Variants in ANKRD13B observed in about 807,000 individuals in gnomAD.
The protein encoded by ANKRD13B is ankyrin repeat domain-containing protein 13B.
A neutral mutation model predicts 74.4 loss-of-function variants in ANKRD13B; 33 were observed. The ratio of observed to expected loss-of-function variants is 0.44; its 90% CI spans 0.34 to 0.59. ANKRD13B has a LOEUF of 0.59. Ranked by LOEUF, ANKRD13B falls within the 20% of genes least tolerant of loss-of-function variation. The pLI, the probability that ANKRD13B is intolerant of heterozygous loss-of-function variation, is 0.02. For synonymous variants in ANKRD13B, 341 were observed against 362.9 expected (o/e 0.94, Z 0.68); for missense variants, 676 against 877.9 (o/e 0.77, Z 2.91).
chr17:29,600,465 T>A (rs920204429), intron 1 of ANKRD13B, among the ~76,000 whole-genome samples: 1 of 151,522 alleles, frequency 6.6e-6, no homozygotes, highest in African/African-American at 2.4e-5. Context: ...GGGGCTGGGG[T>A]TTCACGGATC....
Position 29,608,345 on chromosome 17 carries a change from A to G in ANKRD13B, c.421+105A>G, listed in dbSNP as rs1567792207. 8 of 1,478,706 alleles carry G rather than the reference A, an allele frequency of 5.4e-6. No individual in the cohort carries two copies. The highest frequency in any genetic ancestry group is 7.4e-6 in the Non-Finnish European group (8 of 1,082,794). 91.6% of individuals were successfully genotyped at this position (1,478,706 alleles called of 1,614,324 possible). On this transcript the variant is annotated intron_variant, in intron 4 of 14. Coordinates refer to ENST00000394859, the MANE Select transcript of ANKRD13B (RefSeq NM_152345.5). The surrounding 1 kb of genome is among the most constrained non-coding windows in gnomAD (Gnocchi z 6.4). ...CATAGTTCTTCCGGCGGTTCCCTCT[A>G]TGCCTTAGCTCAGCTCAGGGCCACC... is the stretch of plus-strand genomic sequence containing the variant.
rs2034634921 is a variant in ANKRD13B, at chr17:29,612,681, G to GCGTTGTT, written c.1444_1450dup (p.Glu484ValfsTer37). ...CTGCCGCGGCTGCGAGATCTCCCCA[G>GCGTTGTT]CGTTGTTCGAGGCCCCGCGCGGCTA... On this transcript the variant is annotated frameshift_variant, in exon 13 of 15. Transcript: ENST00000394859. LOFTEE classifies it high-confidence loss of function. This position sits in a 1 kb window ranked among gnomAD's most constrained non-coding sequence, Gnocchi z 6.1. 6.3e-7 allele frequency: 1 copy of GCGTTGTT among 1,587,254 alleles called. No homozygotes were observed. Among genetic ancestry groups the GCGTTGTT allele is most frequent in the Non-Finnish European group, 8.5e-7 (1 of 1,172,886 alleles).
Position 29,608,332 on chromosome 17 carries a change from G to C in ANKRD13B, c.421+92G>C. On this transcript the variant is annotated intron_variant, in intron 4 of 14. Coordinates refer to ENST00000394859, the MANE Select transcript of ANKRD13B (RefSeq NM_152345.5). The surrounding 1 kb of genome is among the most constrained non-coding windows in gnomAD (Gnocchi z 6.4). ...TGGAATGTGTTCTCATAGTTCTTCC[G>C]GCGGTTCCCTCTATGCCTTAGCTCA... 2 of 1,546,592 alleles carry C rather than the reference G, an allele frequency of 1.3e-6. No homozygotes were observed. Among genetic ancestry groups the C allele is most frequent in the East Asian group, 2.3e-5 (1 of 43,478 alleles).
chr17:29,606,103 G>A (rs995819559), intron 1 of ANKRD13B, among the ~76,000 whole-genome samples: 1 of 151,130 alleles, frequency 6.6e-6, no homozygotes, highest in African/African-American at 2.4e-5. Flanking sequence ...GTAGAGATGG[G>A]GTTTCTCCAT....
chr17:29,605,564 C>A (rs1404058309), intron 1 of ANKRD13B, among the ~76,000 whole-genome samples: 1 of 152,080 alleles, frequency 6.6e-6, no homozygotes, highest in Non-Finnish European at 1.5e-5. Flanking sequence ...ACCTCCCAGG[C>A]TTAAGCGATC....
At position 29,607,698 on chromosome 17, in the gene ANKRD13B, C is replaced by T. The variant is rs750422688; in HGVS notation, c.115-44C>T. On this transcript the variant is annotated intron_variant, in intron 1 of 14. Transcript: ENST00000394859. ...CTGTCTGGCTCCGGAGGGCTGCCTCCGACGTGACTGGGGCTTTATCTTCCA... is the reference window on the plus strand; with the variant it reads ...CTGTCTGGCTCCGGAGGGCTGCCTCTGACGTGACTGGGGCTTTATCTTCCA... The T allele has an allele frequency of 4.5e-6, 7 of 1,567,730 alleles. No individual in the cohort carries two copies. The South Asian group carries it at 5.7e-5, about 13-fold the overall frequency.
chr17:29,607,329 T>C (rs532572394), intron 1 of ANKRD13B, among the ~76,000 whole-genome samples: 34 of 152,236 alleles, frequency 2.2e-4, no homozygotes, highest in African/African-American at 8.0e-4. Flanking sequence ...GAAGGTGGCC[T>C]GGGACCCTTA....
rs1319253882 is a variant in ANKRD13B, at chr17:29,609,063, C to T, written c.566-23C>T. On this transcript the variant is annotated intron_variant, in intron 5 of 14. Coordinates refer to ENST00000394859, the MANE Select transcript of ANKRD13B (RefSeq NM_152345.5). This position sits in a 1 kb window ranked among gnomAD's most constrained non-coding sequence, Gnocchi z 4.0. ...CAGCCCCAGGCCACCCCTGATCCCC[C>T]TGTGCTGTTCCGTGTCTGGCAGACA... 6.2e-7 allele frequency: 1 copy of T among 1,611,502 alleles called. No homozygotes were observed. Among genetic ancestry groups the T allele is most frequent in the African/African-American group, 1.3e-5 (1 of 74,930 alleles).
chr17:29,604,034 C>T (rs574243242), intron 1 of ANKRD13B, among the ~76,000 whole-genome samples: 1 of 151,656 alleles, frequency 6.6e-6, no homozygotes, highest in Admixed American at 6.6e-5. Context: ...CGTGAGCCAC[C>T]GCACCCTGCC....
intron 1 of ANKRD13B, among the ~76,000 whole-genome samples, chr17:29,600,661 A>C (rs2034137969): frequency 6.6e-6 from 1 of 151,932 alleles, no homozygotes; most frequent in Non-Finnish European, 1.5e-5. Context: ...GCCTCCCTGC[A>C]CTCAGCTCTA....
chr17:29,607,459 G>T (rs988784297), intron 1 of ANKRD13B, among the ~76,000 whole-genome samples: 1 of 152,218 alleles, frequency 6.6e-6, no homozygotes, highest in Non-Finnish European at 1.5e-5. Context: ...CCCAGCCAGG[G>T]GCCCTTGGTG....
At chr17:29,594,946 G>T (rs1242549739) in intron 1 of ANKRD13B, among the ~76,000 whole-genome samples, 1 of 152,240 alleles carries the variant, frequency 6.6e-6, no homozygotes, top group Admixed American at 6.5e-5. Flanking sequence ...CAGCCCCCAG[G>T]CCTGCATGGC....
chr17:29,606,325 A>G (rs551283646), intron 1 of ANKRD13B, among the ~76,000 whole-genome samples: 2 of 151,816 alleles, frequency 1.3e-5, no homozygotes, highest in South Asian at 2.1e-4. Context: ...TTGGGAGGCC[A>G]AGGCAGGCGA....
At chr17:29,602,792 C>T (rs2034229415) in intron 1 of ANKRD13B, among the ~76,000 whole-genome samples, 1 of 152,158 alleles carries the variant, frequency 6.6e-6, no homozygotes, top group Non-Finnish European at 1.5e-5. Flanking sequence ...CATTCTTCAA[C>T]CCACCATAGT....
rs74772596 is a variant in ANKRD13B at position 29,598,190 on chromosome 17, G to A, written c.114+4455G>A. 5.0e-4 allele frequency among the ~76,000 whole-genome samples: 76 copies of A among 152,314 alleles called. No homozygotes were observed. The South Asian group carries it at 0.015, about 30-fold the overall frequency. The stretch of plus-strand genomic sequence containing the variant: ...CTTCTCTGTGAGGGGCCACAGCTCA[G>A]AGGCCAACAGGGGCCAGGCCCGCTG... On this transcript the variant is annotated intron_variant, in intron 1 of 14. Coordinates refer to ENST00000394859, the MANE Select transcript of ANKRD13B (RefSeq NM_152345.5).
chr17:29,606,886 T>C (rs2034406917), intron 1 of ANKRD13B, among the ~76,000 whole-genome samples: 1 of 151,248 alleles, frequency 6.6e-6, no homozygotes, highest in Non-Finnish European at 1.5e-5. Flanking sequence ...CCATCTCTAC[T>C]AAAAATACAA....
Position 29,593,644 on chromosome 17 carries a change from C to A in ANKRD13B, c.23C>A (p.Ala8Asp). Residue 8 changes from alanine to aspartate, a missense_variant, in exon 1 of 15, where the codon GCC becomes GAC. Physicochemically the swap from Ala to Asp is moderately radical, Grantham distance 126. Around this residue, in one of 4 missense-constraint regions of ANKRD13B, gnomAD observed 88 missense variants for 87.8 expected, o/e 1.00. Transcript: ENST00000394859. ...GCGATGATCCCCGCCAACGCCTCCG[C>A]CAGGAAGGGGCCCGAGGGCAAGTAT... The part of the protein sequence containing the change: MIPANAS[A>D]RKGPEGKYPL... The A allele has an allele frequency of 7.1e-7, 1 of 1,402,398 alleles. No individual in the cohort carries two copies. Among genetic ancestry groups the A allele is most frequent in the Non-Finnish European group, 9.4e-7 (1 of 1,064,728 alleles). 86.9% of individuals were successfully genotyped at this position (1,402,398 alleles called of 1,614,324 possible).
chr17:29,608,937 G>C lies in ANKRD13B; in HGVS notation c.508G>C (p.Gly170Arg), dbSNP rs761010732. The change falls in exon 5 of 15, where the codon GGC becomes CGC. Residue 170 changes from glycine (G) to arginine (R), a missense_variant. Gly to Arg is a moderately radical substitution (Grantham distance 125). This residue lies in a region of ANKRD13B where 328 missense variants were observed against 518.4 expected (regional missense o/e 0.63). Transcript: ENST00000394859. The surrounding 1 kb of genome is among the most constrained non-coding windows in gnomAD (Gnocchi z 6.4). ...QNLRVDTTLLGFDHMTWQRGN... is the reference protein window; with the variant it reads ...QNLRVDTTLLRFDHMTWQRGN... ...CCTGAGGGTAGACACCACACTCCTG[G>C]GCTTTGACCACATGACCTGGCAGCG... 1 of 1,614,162 alleles carries C rather than the reference G, an allele frequency of 6.2e-7. No homozygotes were observed. The highest frequency in any genetic ancestry group is 8.5e-7 in the Non-Finnish European group (1 of 1,180,030).
intron 1 of ANKRD13B, among the ~76,000 whole-genome samples, chr17:29,601,681 A>G (rs1004308919): frequency 1.3e-5 from 2 of 152,126 alleles, no homozygotes; most frequent in Admixed American, 6.6e-5. Context: ...TTGTCTGCCA[A>G]CATATTTATT....
Sources: gnomAD v4.1 joint callset for allele counts (sites outside exome capture counted in the v4.1 genomes callset) on GRCh38, gnomAD v4.1.1 for gene constraint, gnomAD v4.1.1 regional missense constraint, Gnocchi (gnomAD v3.1) non-coding constraint, MANE v1.5 for transcripts, NCBI Gene and HGNC (gene_info 2026-07-23, HGNC 2026-07-21) for gene names.